PFKFB3: variants seen among roughly 807,000 people sequenced by gnomAD.
PFKFB3 encodes the protein 6-phosphofructo-2-kinase/fructose-2,6-bisphosphatase 3.
Under a neutral mutation model 68.0 loss-of-function variants are expected in PFKFB3, and 33 were observed. The ratio of observed to expected loss-of-function variants is 0.49; its 90% CI spans 0.37 to 0.65. The LOEUF (loss-of-function observed/expected upper bound fraction) is 0.65. Among genes scored for constraint, PFKFB3 ranks in the 30% least tolerant of loss-of-function variants. The pLI is 0.00. For synonymous variants in PFKFB3, 315 were observed against 288.2 expected (o/e 1.09, Z -0.94); for missense variants, 586 against 712.2 (o/e 0.82, Z 2.02).
intron 1 of PFKFB3, among the ~76,000 whole-genome samples, chr10:6,177,399 T>C (rs995845395): frequency 1.0e-3 from 134 of 132,698 alleles, no homozygotes; most frequent in Middle Eastern, 3.8e-3. Flanking sequence ...TTTCTTTCTT[T>C]CTTTCTTTCT....
the PFKFB3 span, among the ~76,000 whole-genome samples, chr10:6,320,923 G>A: frequency 1.3e-5 from 2 of 152,194 alleles, no homozygotes; most frequent in Non-Finnish European, 1.5e-5. Flanking sequence ...AAGGCCTCCA[G>A]TGAATTTCTG....
At chr10:6,147,790 C>G (rs1012862341) in intron 1 of PFKFB3, among the ~76,000 whole-genome samples, 1 of 151,654 alleles carries the variant, frequency 6.6e-6, no homozygotes, top group Non-Finnish European at 1.5e-5. Flanking sequence ...GGGGACCTGA[C>G]GGGGTGGTCC....
the PFKFB3 span, chr10:6,293,416 G>A: frequency 9.2e-6 from 2 of 217,918 alleles, no homozygotes; most frequent in East Asian, 1.5e-4. Flanking sequence ...TGCAATCTCG[G>A]CTCACTTCAT....
At chr10:6,150,188 T>G (rs757342677) in intron 1 of PFKFB3, among the ~76,000 whole-genome samples, 1 of 152,260 alleles carries the variant, frequency 6.6e-6, no homozygotes, top group Non-Finnish European at 1.5e-5. Flanking sequence ...GCTTTCTGCA[T>G]GGTAACTTGG....
chr10:6,207,314 G>C (rs1380023452), intron 1 of PFKFB3, among the ~76,000 whole-genome samples: 2 of 152,242 alleles, frequency 1.3e-5, no homozygotes. Flanking sequence ...GGCGCCTCCT[G>C]CAATCGCAGG....
rs1235930897 is a variant in PFKFB3 at position 6,228,609 on chromosome 10, C to A, written c.1515+2244C>A. ...CCAGGTGCCATTAGCCTTAAAGCCC[C>A]CTCCTGCCCCAGGAGTGTCCTTTGT... On this transcript the variant is annotated intron_variant, in intron 14 of 14. Coordinates refer to ENST00000379775, the MANE Select transcript of PFKFB3 (RefSeq NM_004566.4). The surrounding 1 kb of genome is among the most constrained non-coding windows in gnomAD (Gnocchi z 4.5). Among the ~76,000 whole-genome samples the A allele has an allele frequency of 6.6e-6, 1 of 152,156 alleles. No homozygotes were observed. Among genetic ancestry groups the A allele is most frequent in the South Asian group, 2.1e-4 (1 of 4,824 alleles).
intron 14 of PFKFB3, among the ~76,000 whole-genome samples, chr10:6,244,665 T>TC (rs1846215345): frequency 6.6e-6 from 1 of 152,088 alleles, no homozygotes; most frequent in African/African-American, 2.4e-5. Context: ...CTTGGTCTTC[T>TC]AAATCCACAG....
chr10:6,236,116 T>C (rs1846006114), downstream of PFKFB3, among the ~76,000 whole-genome samples: 1 of 152,170 alleles, frequency 6.6e-6, no homozygotes, highest in East Asian at 1.9e-4. Flanking sequence ...CGCGCCCTTT[T>C]AAACACCAGT....
the PFKFB3 span, among the ~76,000 whole-genome samples, chr10:6,318,142 T>G: frequency 1.3e-5 from 2 of 152,228 alleles, no homozygotes; most frequent in Non-Finnish European, 2.9e-5. Flanking sequence ...CTTTTGGATT[T>G]GCAGTGCACT....
chr10:6,308,976 A>T, the PFKFB3 span, among the ~76,000 whole-genome samples: 1 of 152,240 alleles, frequency 6.6e-6, no homozygotes, highest in Non-Finnish European at 1.5e-5. Flanking sequence ...CAACAAGTCC[A>T]TGGGACTTTT....
At chr10:6,226,478 G>C (rs1263398178) in intron 14 of PFKFB3, 113 bp downstream of exon 14, 2 of 990,472 alleles carry the variant, frequency 2.0e-6, no homozygotes, top group Non-Finnish European at 2.9e-6. Context: ...GGTGCGTGTG[G>C]GTGCGCGTGC....
the PFKFB3 span, among the ~76,000 whole-genome samples, chr10:6,325,531 G>C: frequency 6.6e-6 from 1 of 152,078 alleles, no homozygotes; most frequent in South Asian, 2.1e-4. Flanking sequence ...CCAAAGCCAA[G>C]AGTATTTTGA....
At chr10:6,238,432 C>T (rs975196763), downstream of PFKFB3, among the ~76,000 whole-genome samples, 14 of 131,048 alleles carry the variant, frequency 1.1e-4, no homozygotes, top group Non-Finnish European at 1.5e-4. Context: ...CCCAAAGTGC[C>T]GGGATTACAG....
At chr10:6,222,191 T>C (rs1244082351) in intron 10 of PFKFB3, among the ~76,000 whole-genome samples, 2 of 152,120 alleles carry the variant, frequency 1.3e-5, no homozygotes, top group Admixed American at 1.3e-4. Context: ...GTGTCGTGCC[T>C]CAGGCCCCTG....
intron 14 of PFKFB3, among the ~76,000 whole-genome samples, chr10:6,248,491 TG>T (rs750850865): frequency 1.1e-4 from 16 of 152,036 alleles, no homozygotes; most frequent in Middle Eastern, 3.4e-3. Context: ...TAGCTGGGTG[TG>T]GTGGCACGTG....
At chr10:6,277,590 C>T in the PFKFB3 span, 1 of 187,876 alleles carries the variant, frequency 5.3e-6, no homozygotes, top group African/African-American at 2.4e-5. Context: ...CTTGCAAGAT[C>T]TGTCTGTTTA....
intron 1 of PFKFB3, among the ~76,000 whole-genome samples, chr10:6,168,689 C>T (rs78811602): frequency 0.011 from 1,649 of 152,268 alleles, 69 homozygotes; most frequent in East Asian, 0.099. Flanking sequence ...ATGAGTTTAA[C>T]GGACCAGAAA....
intron 1 of PFKFB3, among the ~76,000 whole-genome samples, chr10:6,145,191 T>G (rs1376533175): frequency 6.6e-6 from 1 of 151,820 alleles, no homozygotes; most frequent in African/African-American, 2.4e-5. Context: ...CGCCCTGCGC[T>G]GCGCCCCGGA....
At chr10:6,216,870 T>A in intron 5 of PFKFB3, 90 bp downstream of exon 5, 1 of 847,086 alleles carries the variant, frequency 1.2e-6, no homozygotes, top group Non-Finnish European at 1.9e-6. Context: ...GTCCTTCCCC[T>A]CCTGCTGCCC....
Sources: gnomAD v4.1 joint callset for allele counts (sites outside exome capture counted in the v4.1 genomes callset) on GRCh38, gnomAD v4.1.1 for gene constraint, Gnocchi (gnomAD v3.1) non-coding constraint, MANE v1.5 for transcripts, NCBI Gene and HGNC (gene_info 2026-07-23, HGNC 2026-07-21) for gene names.